The following SSBP2 variants were observed in gnomAD, a reference collection of about 807,000 sequenced individuals.
The protein encoded by SSBP2 is single stranded DNA binding protein 2.
Under a neutral mutation model 61.8 loss-of-function variants are expected in SSBP2, and 17 were observed. The ratio of observed to expected loss-of-function variants is 0.28; its 90% CI spans 0.19 to 0.41. The LOEUF (loss-of-function observed/expected upper bound fraction) is 0.41, where lower values mean the gene tolerates loss of function less well. Ranked by LOEUF, SSBP2 falls within the 10% of genes least tolerant of loss-of-function variation. The pLI is 1.00. For missense variants in SSBP2, 310 were observed against 458.7 expected (o/e 0.68, Z 2.96); for synonymous variants, 139 against 141.3 (o/e 0.98, Z 0.12).
At chr5:81,442,745 T>A in intron 12 of SSBP2, 22 bp from the exon 13 acceptor site, 1 of 1,335,478 alleles carries the variant, frequency 7.5e-7, no homozygotes, top group Non-Finnish European at 1.0e-6. Flanking sequence ...TATTACTTAA[T>A]TAAAATATTT....
At chr5:81,745,725 C>T (rs540668519) in intron 1 of SSBP2, among the ~76,000 whole-genome samples, 1 of 152,120 alleles carries the variant, frequency 6.6e-6, no homozygotes, top group East Asian at 1.9e-4. Context: ...CTTTCAAACT[C>T]AGTACTTTTG....
chr5:81,524,266 A>AGAAACT (rs1214457214), intron 4 of SSBP2, among the ~76,000 whole-genome samples: 1 of 152,022 alleles, frequency 6.6e-6, no homozygotes, highest in African/African-American at 2.4e-5. Flanking sequence ...TACAACTACA[A>AGAAACT]GAAACTGAAT....
chr5:81,428,353 C>A (rs147887538), intron 16 of SSBP2, among the ~76,000 whole-genome samples: 1 of 152,214 alleles, frequency 6.6e-6, no homozygotes, highest in Non-Finnish European at 1.5e-5. Flanking sequence ...AGTGGAGGTT[C>A]TCAATGAGAA....
In SSBP2 at chr5:81,544,958, T is replaced by C. The variant is rs73766261; in HGVS notation, c.283-31241A>G. Reference sequence around the variant, plus strand: ...CTGTTCTCCACATATGGACTGAATATAGAGGAGGATAAGGCCCAACATATG... The same window carrying C: ...CTGTTCTCCACATATGGACTGAATACAGAGGAGGATAAGGCCCAACATATG... On this transcript the variant is annotated intron_variant, in intron 4 of 16. Transcript: ENST00000320672. 1.2e-4 allele frequency among the ~76,000 whole-genome samples: 19 copies of C among 152,242 alleles called. No individual in the cohort carries two copies. In the East Asian group the frequency reaches 3.5e-3, roughly 28 times the overall value.
rs139649885 is a variant in SSBP2 at position 81,686,469 on chromosome 5, G to A, written c.63-36130C>T. The stretch of plus-strand genomic sequence containing the variant: ...TTAGGAAATGTATTTTTTATATTAA[G>A]ATTTATTCTGAGGTTATAGTTTCAT... On this transcript the variant is annotated intron_variant, in intron 1 of 16. Coordinates refer to ENST00000320672, the MANE Select transcript of SSBP2 (RefSeq NM_012446.5). 7.6e-4 allele frequency among the ~76,000 whole-genome samples: 116 copies of A among 152,072 alleles called. 1 individual carries two copies. Among genetic ancestry groups the A allele is most frequent in the Middle Eastern group, 3.4e-3 (1 of 294 alleles).
intron 4 of SSBP2, among the ~76,000 whole-genome samples, chr5:81,612,650 TAA>T (rs1335442662): frequency 2.0e-5 from 3 of 152,204 alleles, no homozygotes; most frequent in African/African-American, 2.4e-5. Context: ...TATAAAATAA[TAA>T]GACTAATTTT....
chr5:81,681,793 G>A (rs369382), intron 1 of SSBP2, among the ~76,000 whole-genome samples: 114,279 of 151,972 alleles, frequency 0.75, 44,625 homozygotes, highest in African/African-American at 0.94. Context: ...CTGGTTGTTT[G>A]AAAAGATAAA....
intron 9 of SSBP2, among the ~76,000 whole-genome samples, chr5:81,461,480 G>A (rs976936119): frequency 3.3e-5 from 5 of 151,796 alleles, no homozygotes; most frequent in African/African-American, 1.2e-4. Context: ...ATCAATATGA[G>A]CTTCCTGTAT....
chr5:81,648,881 T>C (rs1749494809), intron 2 of SSBP2, among the ~76,000 whole-genome samples: 3 of 152,024 alleles, frequency 2.0e-5, no homozygotes, highest in African/African-American at 7.2e-5. Context: ...TTACCTAATA[T>C]AGGCAAAATA....
intron 15 of SSBP2, among the ~76,000 whole-genome samples, chr5:81,435,503 G>C (rs761630457): frequency 6.6e-6 from 1 of 152,178 alleles, no homozygotes; most frequent in Non-Finnish European, 1.5e-5. Context: ...CATTAGGCAA[G>C]AGAATGTTAT....
At chr5:81,634,294 C>G (rs1747997867) in intron 3 of SSBP2, among the ~76,000 whole-genome samples, 1 of 152,218 alleles carries the variant, frequency 6.6e-6, no homozygotes, top group Admixed American at 6.5e-5. Context: ...TTCAGATAAA[C>G]TCAACCAATT....
intron 1 of SSBP2, among the ~76,000 whole-genome samples, chr5:81,665,264 A>T (rs937659497): frequency 2.0e-5 from 3 of 152,108 alleles, no homozygotes; most frequent in Admixed American, 6.5e-5. Context: ...TTTTCCTTGT[A>T]AGCAAGGCTA....
At chr5:81,637,504 A>G (rs767870479) in intron 2 of SSBP2, among the ~76,000 whole-genome samples, 68 of 152,222 alleles carry the variant, frequency 4.5e-4, no homozygotes, top group Non-Finnish European at 8.2e-4. Flanking sequence ...ATATCCTTTC[A>G]TAAGGTAAAA....
At chr5:81,631,639 T>C (rs191613055) in intron 3 of SSBP2, among the ~76,000 whole-genome samples, 15 of 152,254 alleles carry the variant, frequency 9.9e-5, no homozygotes, top group Non-Finnish European at 1.3e-4. Flanking sequence ...ATTTTGTGTG[T>C]GCGCCTACTC....
chr5:81,453,454 TTC>T (rs1377235295), intron 10 of SSBP2, among the ~76,000 whole-genome samples: 1 of 143,036 alleles, frequency 7.0e-6, no homozygotes, highest in African/African-American at 2.8e-5. Flanking sequence ...ACTGGGTTTA[TTC>T]TTTTTTTTTT....
At position 81,432,652 on chromosome 5, in the gene SSBP2, A is replaced by C. The variant is rs528104587; in HGVS notation, c.958-3969T>G. ...TCCCAGCTACTCGGGAGGCTGAGGC[A>C]GGAGAATTTCTTGAACCTGGGAGGT... On this transcript the variant is annotated intron_variant, in intron 15 of 16. Coordinates refer to ENST00000320672, the MANE Select transcript of SSBP2 (RefSeq NM_012446.5). Among the ~76,000 whole-genome samples the C allele has an allele frequency of 2.7e-3, 404 of 152,302 alleles. 2 individuals carry two copies. Among genetic ancestry groups the C allele is most frequent in the Non-Finnish European group, 4.2e-3 (287 of 68,024 alleles).
chr5:81,448,702 G>C (rs1763565837), intron 11 of SSBP2, 88 bp downstream of exon 11: 6 of 1,314,194 alleles, frequency 4.6e-6, no homozygotes, highest in Non-Finnish European at 6.5e-6. Context: ...ATACACAGGG[G>C]CTCTTCTTAA....
At chr5:81,685,932 C>T (rs1178708830) in intron 1 of SSBP2, among the ~76,000 whole-genome samples, 2 of 152,176 alleles carry the variant, frequency 1.3e-5, no homozygotes, top group Non-Finnish European at 2.9e-5. Flanking sequence ...CCCAAAAGTA[C>T]ATTAACTGGA....
At chr5:81,615,396 A>C in intron 4 of SSBP2, 77 bp downstream of exon 4, 1 of 1,023,580 alleles carries the variant, frequency 9.8e-7, no homozygotes, top group Non-Finnish European at 1.5e-6. Flanking sequence ...AGAATAGATG[A>C]GCCAGTGTAT....
Sources: allele counts gnomAD v4.1 joint callset (sites outside exome capture counted in the v4.1 genomes callset), GRCh38; gene constraint gnomAD v4.1.1; transcripts MANE v1.5; gene names NCBI Gene and HGNC (gene_info 2026-07-23, HGNC 2026-07-21).